Variants in CCDC102B observed in about 807,000 individuals in gnomAD.
CCDC102B encodes coiled-coil domain-containing protein 102B.
CCDC102B carries 75 observed loss-of-function variants against 57.4 expected under a neutral mutation model. The ratio of observed to expected loss-of-function variants is 1.31; its 90% CI spans 1.08 to 1.58. The LOEUF (loss-of-function observed/expected upper bound fraction) is 1.58. CCDC102B is among the 40% of genes most tolerant of loss of function. The pLI is 0.00. For synonymous variants in CCDC102B, 206 were observed against 201.9 expected (o/e 1.02, Z -0.17); for missense variants, 636 against 582.6 (o/e 1.09, Z -0.94).
chr18:69,047,179 G>T (rs2052588906), intron 7 of CCDC102B, among the ~76,000 whole-genome samples: 1 of 152,056 alleles, frequency 6.6e-6, no homozygotes, highest in Non-Finnish European at 1.5e-5. Context: ...CTCACAAACT[G>T]AATCTGCCAT....
At chr18:69,011,450 A>G (rs2051515138) in intron 7 of CCDC102B, among the ~76,000 whole-genome samples, 1 of 152,036 alleles carries the variant, frequency 6.6e-6, no homozygotes, top group African/African-American at 2.4e-5. Flanking sequence ...TTAAGCATCT[A>G]TATCAAAAAG....
At chr18:68,948,416 T>G (rs750732713) in intron 6 of CCDC102B, among the ~76,000 whole-genome samples, 2 of 152,178 alleles carry the variant, frequency 1.3e-5, no homozygotes, top group Admixed American at 6.6e-5. Context: ...ATCTAACACA[T>G]GCTATCTTTA....
At chr18:68,929,456 G>A (rs2041592026) in intron 6 of CCDC102B, among the ~76,000 whole-genome samples, 1 of 151,960 alleles carries the variant, frequency 6.6e-6, no homozygotes, top group South Asian at 2.1e-4. Flanking sequence ...GAAAGACAAT[G>A]GCTTTTATGG....
At chr18:68,843,971 A>T (rs893074346) in intron 3 of CCDC102B, among the ~76,000 whole-genome samples, 1 of 24,506 alleles carries the variant, frequency 4.1e-5, no homozygotes, top group Non-Finnish European at 1.0e-4. Flanking sequence ...TCTAAATACT[A>T]AAAAAAAATT....
intron 4 of CCDC102B, among the ~76,000 whole-genome samples, chr18:68,861,228 A>G (rs2038738405): frequency 6.6e-6 from 1 of 151,710 alleles, no homozygotes; most frequent in Non-Finnish European, 1.5e-5. Flanking sequence ...TAAGAGGAAC[A>G]TTATGGTTTT....
chr18:68,805,777 A>G (rs961569527), intron 1 of CCDC102B, among the ~76,000 whole-genome samples: 3 of 152,174 alleles, frequency 2.0e-5, no homozygotes, highest in African/African-American at 7.2e-5. Flanking sequence ...AGGATGTTGT[A>G]ACGACACTAT....
chr18:68,751,545 A>G (rs1267983627), intron 2 of CCDC102B, among the ~76,000 whole-genome samples: 2 of 152,184 alleles, frequency 1.3e-5, no homozygotes, highest in Admixed American at 1.3e-4. Context: ...TGTTTACAGT[A>G]TGAGAGCTGA....
chr18:68,749,634 G>A (rs1229880009), intron 2 of CCDC102B, among the ~76,000 whole-genome samples: 1 of 152,182 alleles, frequency 6.6e-6, no homozygotes, highest in Non-Finnish European at 1.5e-5. Context: ...TTTGTATCCT[G>A]AGACTTTGCT....
chr18:68,986,684 C>G lies in CCDC102B; in HGVS notation c.1264-24250C>G, dbSNP rs186003699. ...AATCCCTAAAGATACCACCAAAAGT[C>G]TCCTAGAACTGATAAAACAACAACA... On this transcript the variant is annotated intron_variant, in intron 6 of 7. Coordinates refer to ENST00000360242, the MANE Select transcript of CCDC102B (RefSeq NM_024781.3). 3.3e-3 allele frequency among the ~76,000 whole-genome samples: 509 copies of G among 152,008 alleles called. 6 individuals are homozygous for G. The highest frequency in any genetic ancestry group is 0.01 in the African/African-American group (432 of 41,482).
At chr18:68,997,773 T>C (rs1210893180) in intron 6 of CCDC102B, among the ~76,000 whole-genome samples, 1 of 152,102 alleles carries the variant, frequency 6.6e-6, no homozygotes, top group Non-Finnish European at 1.5e-5. Context: ...ACCCCAAATC[T>C]GTCCTTTATG....
chr18:69,024,286 G>T (rs2051925130), intron 7 of CCDC102B, among the ~76,000 whole-genome samples: 1 of 152,022 alleles, frequency 6.6e-6, no homozygotes, highest in African/African-American at 2.4e-5. Context: ...ACCTAAAGTA[G>T]AAAGTGCAAT....
chr18:68,875,977 G>T (rs1200089760), intron 5 of CCDC102B, among the ~76,000 whole-genome samples: 1 of 152,096 alleles, frequency 6.6e-6, no homozygotes, highest in East Asian at 1.9e-4. Context: ...TATGAGAAAG[G>T]CTGAACTGTT....
At chr18:68,877,834 G>T (rs992914998) in intron 5 of CCDC102B, among the ~76,000 whole-genome samples, 2 of 152,062 alleles carry the variant, frequency 1.3e-5, no homozygotes, top group Non-Finnish European at 2.9e-5. Flanking sequence ...TATGAGTATG[G>T]CATAAAAAGG....
chr18:68,934,916 A>G (rs1004849263), intron 6 of CCDC102B, among the ~76,000 whole-genome samples: 14 of 152,000 alleles, frequency 9.2e-5, no homozygotes, highest in African/African-American at 3.4e-4. Flanking sequence ...ATTTGAGGAC[A>G]TAGTATGCTG....
intron 2 of CCDC102B, among the ~76,000 whole-genome samples, chr18:68,723,702 C>A (rs1473427006): frequency 6.6e-6 from 1 of 152,234 alleles, no homozygotes; most frequent in Non-Finnish European, 1.5e-5. Context: ...CAGCTCCACT[C>A]CTGTGGCTTT....
At chr18:68,784,864 T>A (rs1624890) in intron 2 of CCDC102B, among the ~76,000 whole-genome samples, 10,651 of 151,938 alleles carry the variant, frequency 0.07, 710 homozygotes, top group African/African-American at 0.17. Flanking sequence ...TTTAGTGTAC[T>A]TGTGCACATT....
chr18:68,849,236 T>C (rs1179278518), intron 4 of CCDC102B, among the ~76,000 whole-genome samples: 1 of 152,092 alleles, frequency 6.6e-6, no homozygotes, highest in African/African-American at 2.4e-5. Flanking sequence ...TTAAAACATA[T>C]GGCATATAGG....
intron 6 of CCDC102B, among the ~76,000 whole-genome samples, chr18:68,957,027 T>C (rs2049918974): frequency 6.6e-6 from 1 of 152,118 alleles, no homozygotes; most frequent in Non-Finnish European, 1.5e-5. Context: ...TTCTAGTTAT[T>C]GCTCCCTTGT....
At chr18:68,943,863 T>C (rs941851378) in intron 6 of CCDC102B, among the ~76,000 whole-genome samples, 1 of 152,026 alleles carries the variant, frequency 6.6e-6, no homozygotes, top group Admixed American at 6.6e-5. Context: ...TCTACAGACG[T>C]AAAAACCTGC....
Sources: allele counts gnomAD v4.1 joint callset (sites outside exome capture counted in the v4.1 genomes callset), GRCh38; gene constraint gnomAD v4.1.1; transcripts MANE v1.5; gene names NCBI Gene and HGNC (gene_info 2026-07-23, HGNC 2026-07-21).